Variants in GALNT17 observed in about 807,000 individuals in gnomAD.
GALNT17 encodes the protein polypeptide N-acetylgalactosaminyltransferase 17.
Under a neutral mutation model 63.7 loss-of-function variants are expected in GALNT17, and 29 were observed. The ratio of observed to expected loss-of-function variants is 0.46; its 90% CI spans 0.34 to 0.62. The LOEUF (loss-of-function observed/expected upper bound fraction) is 0.62. GALNT17 is among the 20% of genes least tolerant of loss of function. The probability of loss-of-function intolerance (pLI) is 0.01; values close to 1 mark genes in which losing one functional copy is unlikely to be tolerated. For synonymous variants in GALNT17, 305 were observed against 318.3 expected (o/e 0.96, Z 0.45); for missense variants, 603 against 799.6 (o/e 0.75, Z 2.97).
chr7:71,363,481 C>G (rs1232530996), intron 2 of GALNT17, among the ~76,000 whole-genome samples: 1 of 152,220 alleles, frequency 6.6e-6, no homozygotes, highest in Non-Finnish European at 1.5e-5. Context: ...AGTTTGGCGG[C>G]TTTCTCTGGA....
chr7:71,324,101 C>A (rs1042046095), intron 1 of GALNT17, among the ~76,000 whole-genome samples: 2 of 152,086 alleles, frequency 1.3e-5, no homozygotes, highest in Non-Finnish European at 2.9e-5. Flanking sequence ...CAGCAGAGGA[C>A]GAGGCTGGGC....
At chr7:71,640,760 C>T (rs546546914) in intron 6 of GALNT17, among the ~76,000 whole-genome samples, 2 of 151,866 alleles carry the variant, frequency 1.3e-5, no homozygotes, top group Non-Finnish European at 2.9e-5. Flanking sequence ...TTCTGTAATT[C>T]CAGCTACTTG....
At chr7:71,265,665 A>G (rs1414690788) in intron 1 of GALNT17, among the ~76,000 whole-genome samples, 6 of 152,198 alleles carry the variant, frequency 3.9e-5, no homozygotes, top group Non-Finnish European at 5.9e-5. Context: ...GCAAAGGCAC[A>G]AGGATTGGAA....
chr7:71,193,651 T>C (rs1187126623), intron 1 of GALNT17, among the ~76,000 whole-genome samples: 1 of 152,026 alleles, frequency 6.6e-6, no homozygotes, highest in Admixed American at 6.6e-5. Flanking sequence ...GCCATATGGC[T>C]GATTCTCTCC....
chr7:71,624,451 C>T (rs1280808275), intron 6 of GALNT17, among the ~76,000 whole-genome samples: 1 of 152,008 alleles, frequency 6.6e-6, no homozygotes, highest in African/African-American at 2.4e-5. Context: ...TGTTAGGGCC[C>T]AAGGGAAATT....
At chr7:71,638,560 C>A in intron 6 of GALNT17, among the ~76,000 whole-genome samples, 1 of 152,132 alleles carries the variant, frequency 6.6e-6, no homozygotes, top group Non-Finnish European at 1.5e-5. Context: ...ACGAAAAGGG[C>A]ATCCCGATAC....
At chr7:71,308,395 C>T (rs539558743) in intron 1 of GALNT17, among the ~76,000 whole-genome samples, 1 of 152,218 alleles carries the variant, frequency 6.6e-6, no homozygotes, top group Non-Finnish European at 1.5e-5. Context: ...GAACTGCTTT[C>T]AAAAGAGGCA....
At chr7:71,416,695 T>G (rs1050506915) in intron 4 of GALNT17, among the ~76,000 whole-genome samples, 2 of 152,186 alleles carry the variant, frequency 1.3e-5, no homozygotes, top group Non-Finnish European at 2.9e-5. Context: ...ACAGTCATAT[T>G]TTTCTTGTTC....
chr7:71,652,208 G>A (rs948259931), intron 6 of GALNT17, among the ~76,000 whole-genome samples: 1 of 151,814 alleles, frequency 6.6e-6, no homozygotes, highest in Non-Finnish European at 1.5e-5. Flanking sequence ...GCCAGTCAAT[G>A]ACTTGCATTG....
intron 1 of GALNT17, among the ~76,000 whole-genome samples, chr7:71,173,163 G>A (rs7795127): frequency 0.37 from 55,971 of 152,016 alleles, 12,657 homozygotes; most frequent in African/African-American, 0.64. Flanking sequence ...ACCTGGAGGG[G>A]TGTTATATAT....
chr7:71,606,910 C>T (rs773586245), intron 6 of GALNT17, among the ~76,000 whole-genome samples: 53 of 152,130 alleles, frequency 3.5e-4, no homozygotes, highest in Non-Finnish European at 4.6e-4. Context: ...ATCTGAAAGA[C>T]AAGGGTAGTG....
At chr7:71,359,367 C>T (rs187081743) in intron 2 of GALNT17, among the ~76,000 whole-genome samples, 26 of 152,048 alleles carry the variant, frequency 1.7e-4, no homozygotes, top group African/African-American at 4.3e-4. Context: ...TGGCAGGTGC[C>T]GGGTGCCAGG....
chr7:71,611,768 G>A (rs906238656), intron 6 of GALNT17, among the ~76,000 whole-genome samples: 1 of 152,070 alleles, frequency 6.6e-6, no homozygotes, highest in Non-Finnish European at 1.5e-5. Flanking sequence ...GGAAGACCAT[G>A]GTGTAGAATA....
intron 4 of GALNT17, 69 bp downstream of exon 4, chr7:71,416,132 G>A: frequency 6.6e-7 from 1 of 1,520,914 alleles, no homozygotes; most frequent in South Asian, 1.3e-5. Context: ...TGGAATCTGG[G>A]AGGTGGGACA....
intron 5 of GALNT17, among the ~76,000 whole-genome samples, chr7:71,510,217 G>T (rs967637534): frequency 6.6e-6 from 1 of 152,154 alleles, no homozygotes; most frequent in Admixed American, 6.5e-5. Context: ...AAAGTGTTGG[G>T]ATTACAGGCA....
intron 2 of GALNT17, among the ~76,000 whole-genome samples, chr7:71,371,330 A>G (rs1362903416): frequency 6.6e-6 from 1 of 152,224 alleles, no homozygotes; most frequent in East Asian, 1.9e-4. Flanking sequence ...AACAAAAATG[A>G]TTTATAATTT....
At chr7:71,700,305 CAAA>C (rs60522666) in intron 9 of GALNT17, among the ~76,000 whole-genome samples, 12 of 134,716 alleles carry the variant, frequency 8.9e-5, no homozygotes, top group South Asian at 2.4e-4. Context: ...GAGACTTTCT[CAAA>C]AAAAAAAAAA....
At chr7:71,136,338 T>C (rs1444008992) in intron 1 of GALNT17, among the ~76,000 whole-genome samples, 1 of 152,200 alleles carries the variant, frequency 6.6e-6, no homozygotes, top group South Asian at 2.1e-4. Context: ...CTAGAGCCAG[T>C]GCACTGTGCA....
intron 1 of GALNT17, among the ~76,000 whole-genome samples, chr7:71,175,933 A>G (rs764311355): frequency 5.3e-5 from 8 of 152,058 alleles, no homozygotes; most frequent in Non-Finnish European, 1.2e-4. Flanking sequence ...TTTCTTACAA[A>G]TCTTCAATTT....
Sources: allele counts gnomAD v4.1 joint callset (sites outside exome capture counted in the v4.1 genomes callset), GRCh38; gene constraint gnomAD v4.1.1; transcripts MANE v1.5; gene names NCBI Gene and HGNC (gene_info 2026-07-23, HGNC 2026-07-21).